MMP26: variants seen among roughly 807,000 people sequenced by gnomAD.
MMP26 encodes the protein matrix metalloproteinase-26.
Under a neutral mutation model 31.0 loss-of-function variants are expected in MMP26, and 33 were observed. The observed-to-expected ratio is 1.06, with a 90% CI of 0.81 to 1.42. The LOEUF (loss-of-function observed/expected upper bound fraction) is 1.42, where lower values mean the gene tolerates loss of function less well. Ranked by LOEUF, MMP26 falls within the 40% of genes most tolerant of loss-of-function variation. The pLI is 0.00. For synonymous variants in MMP26, 122 were observed against 114.9 expected (o/e 1.06, Z -0.40); for missense variants, 347 against 316.1 (o/e 1.10, Z -0.74).
At chr11:4,859,869 G>C (rs1264013774) in intron 2 of MMP26, 2 of 471,068 alleles carry the variant, frequency 4.2e-6, no homozygotes, top group Admixed American at 2.4e-5. Flanking sequence ...TTTCACCTCT[G>C]GAGACAATGC....
intron 1 of MMP26, among the ~76,000 whole-genome samples, chr11:4,728,675 C>T (rs961524907): frequency 6.6e-6 from 1 of 152,108 alleles, no homozygotes; most frequent in African/African-American, 2.4e-5. Flanking sequence ...CAAAATATTG[C>T]CTTTTGTCCC....
intron 2 of MMP26, among the ~76,000 whole-genome samples, chr11:4,815,117 CCTTTCACTAA>C (rs1356151376): frequency 6.6e-6 from 1 of 152,124 alleles, no homozygotes; most frequent in Non-Finnish European, 1.5e-5. Context: ...TTTTGATCAA[CCTTTCACTAA>C]ATACACAATT....
chr11:4,860,144 CGTGA>C (rs750828892), intron 2 of MMP26: 4 of 470,942 alleles, frequency 8.5e-6, no homozygotes, highest in Non-Finnish European at 1.8e-5. Flanking sequence ...CGAATAACAT[CGTGA>C]GTGAGGATGG....
intron 2 of MMP26, chr11:4,907,341 C>T (rs1388710547): frequency 6.9e-7 from 1 of 1,443,020 alleles, no homozygotes. Flanking sequence ...GGTTTCAGAT[C>T]CGGCTAACGA....
At chr11:4,872,217 T>G (rs1374861662) in intron 2 of MMP26, among the ~76,000 whole-genome samples, 1 of 152,104 alleles carries the variant, frequency 6.6e-6, no homozygotes, top group Non-Finnish European at 1.5e-5. Flanking sequence ...ACTAAAATAT[T>G]TTTAAAATGT....
intron 2 of MMP26, among the ~76,000 whole-genome samples, chr11:4,940,510 A>G (rs1846191726): frequency 6.6e-6 from 1 of 152,212 alleles, no homozygotes; most frequent in Non-Finnish European, 1.5e-5. Context: ...TCAGTGTGAT[A>G]CTTTGCTATA....
intron 2 of MMP26, among the ~76,000 whole-genome samples, chr11:4,835,083 T>C (rs1564790757): frequency 6.6e-6 from 1 of 152,018 alleles, no homozygotes. Context: ...AGTGTGAATA[T>C]GTACTTGTTT....
chr11:4,765,387 C>A (rs902690610), intron 1 of MMP26, among the ~76,000 whole-genome samples: 3 of 152,190 alleles, frequency 2.0e-5, no homozygotes, highest in African/African-American at 7.2e-5. Flanking sequence ...CTCTTTAACT[C>A]AAGGTCAAGC....
intron 2 of MMP26, chr11:4,973,236 T>G (rs1183669472): frequency 1.3e-5 from 2 of 157,346 alleles, no homozygotes; most frequent in African/African-American, 4.8e-5. Flanking sequence ...ATGTAGGACA[T>G]GAAAATAAAT....
rs759503659 is a variant in MMP26 at position 4,946,576 on chromosome 11, T to C, written c.-144-41492T>C. 20 of 1,582,698 alleles carry C rather than the reference T, an allele frequency of 1.3e-5. No homozygotes were observed. In the East Asian group the frequency reaches 2.9e-4, roughly 23 times the overall value. On this transcript the variant is annotated intron_variant, in intron 2 of 7. Coordinates refer to ENST00000380390, the MANE Select transcript of MMP26 (RefSeq NM_021801.5). The stretch of plus-strand genomic sequence containing the variant: ...GGTGGAGACAGTAGGAATGGGATAA[T>C]TGGTTTTTCTTGCAATATCTCAAGT...
chr11:4,905,604 A>G (rs1850874347), intron 2 of MMP26, among the ~76,000 whole-genome samples: 3 of 152,134 alleles, frequency 2.0e-5, no homozygotes, highest in Admixed American at 2.0e-4. Flanking sequence ...TCTTCTCTCT[A>G]GCCTTCCATT....
chr11:4,745,261 A>G (rs1170081235), intron 1 of MMP26, among the ~76,000 whole-genome samples: 1 of 152,192 alleles, frequency 6.6e-6, no homozygotes, highest in Non-Finnish European at 1.5e-5. Flanking sequence ...TATGTTTTAG[A>G]TTTGGAATAA....
intron 2 of MMP26, among the ~76,000 whole-genome samples, chr11:4,870,532 G>A (rs1027613407): frequency 6.6e-6 from 1 of 151,964 alleles, no homozygotes; most frequent in Non-Finnish European, 1.5e-5. Flanking sequence ...TAATTACTAA[G>A]ACAAATAACT....
In MMP26 at chr11:4,857,638, C is replaced by T. The variant is rs1850074703; in HGVS notation, c.-145+90297C>T. Reference sequence around the variant, plus strand: ...CAGAGGGATTCACAGCCGAATTCTACCAGAGGTACAAGGAGGAGCTGGTAC... The same window carrying T: ...CAGAGGGATTCACAGCCGAATTCTATCAGAGGTACAAGGAGGAGCTGGTAC... On this transcript the variant is annotated intron_variant, in intron 2 of 7. Coordinates refer to ENST00000380390, the MANE Select transcript of MMP26 (RefSeq NM_021801.5). 1.3e-5 allele frequency among the ~76,000 whole-genome samples: 2 copies of T among 152,088 alleles called. 1 individual carries two copies. The highest frequency in any genetic ancestry group is 4.8e-5 in the African/African-American group (2 of 41,402).
intron 1 of MMP26, among the ~76,000 whole-genome samples, chr11:4,743,992 A>G (rs1848347658): frequency 1.3e-5 from 2 of 150,826 alleles, no homozygotes; most frequent in Admixed American, 1.3e-4. Flanking sequence ...TATTTTTTTT[A>G]GAGATAATGT....
chr11:4,750,678 A>G (rs1848436366), intron 1 of MMP26, among the ~76,000 whole-genome samples: 2 of 152,072 alleles, frequency 1.3e-5, no homozygotes, highest in Admixed American at 1.3e-4. Context: ...AACAGAAAGT[A>G]AAATACTGCA....
At chr11:4,837,272 A>G (rs570918313) in intron 2 of MMP26, among the ~76,000 whole-genome samples, 91 of 152,224 alleles carry the variant, frequency 6.0e-4, no homozygotes, top group Non-Finnish European at 1.1e-3. Context: ...CAGTGGTGAA[A>G]CCATAGCTCA....
At chr11:4,986,352 T>C (rs1240410496) in intron 2 of MMP26, among the ~76,000 whole-genome samples, 1 of 151,812 alleles carries the variant, frequency 6.6e-6, no homozygotes, top group Non-Finnish European at 1.5e-5. Flanking sequence ...TTTTTATTTT[T>C]TTATTTTTTC....
intron 1 of MMP26, among the ~76,000 whole-genome samples, chr11:4,750,487 A>G (rs1848434428): frequency 6.6e-6 from 1 of 152,044 alleles, no homozygotes; most frequent in South Asian, 2.1e-4. Context: ...TTATCACAGT[A>G]CTCTTCACAA....
Sources: allele counts gnomAD v4.1 joint callset (sites outside exome capture counted in the v4.1 genomes callset), GRCh38; gene constraint gnomAD v4.1.1; transcripts MANE v1.5; gene names NCBI Gene and HGNC (gene_info 2026-07-23, HGNC 2026-07-21).